The following RNGTT variants were observed in gnomAD, a reference collection of about 807,000 sequenced individuals.
RNGTT encodes RNA guanylyltransferase and 5'-phosphatase, also known as mRNA-capping enzyme.
Under a neutral mutation model 79.3 loss-of-function variants are expected in RNGTT, and 33 were observed. That is an observed-to-expected ratio of 0.42 (90% CI 0.32 to 0.56). The LOEUF is 0.56. RNGTT is among the 20% of genes least tolerant of loss of function. RNGTT has a pLI of 0.17. For missense variants in RNGTT, 497 were observed against 739.1 expected, an observed-to-expected ratio of 0.67 and a Z score of 3.80; for synonymous variants, 222 against 235.9, an observed-to-expected ratio of 0.94 and a Z score of 0.54.
In RNGTT at chr6:88,687,851, G is replaced by A. The variant is rs541680127; in HGVS notation, c.1440-9432C>T. Among the ~76,000 whole-genome samples the A allele has an allele frequency of 8.5e-5, 13 of 152,238 alleles. No homozygotes were observed. The South Asian group carries it at 2.7e-3, about 32-fold the overall frequency. On this transcript the variant is annotated intron_variant, in intron 13 of 15. Transcript: ENST00000369485. ...GAAATCATGGGGGAATAAAAATAGG[G>A]CAGCAGGATGAGTGAAGAGTGACAT...
intron 11 of RNGTT, among the ~76,000 whole-genome samples, chr6:88,814,962 G>T (rs900715950): frequency 2.6e-5 from 4 of 152,176 alleles, no homozygotes; most frequent in Admixed American, 1.3e-4. Flanking sequence ...AGAGGGCCTG[G>T]CCTTTGCCCT....
At chr6:88,787,511 T>G (rs1025715382) in intron 12 of RNGTT, among the ~76,000 whole-genome samples, 1 of 151,852 alleles carries the variant, frequency 6.6e-6, no homozygotes, top group African/African-American at 2.4e-5. Context: ...ATACAAAAAT[T>G]AGCTGGGTGT....
chr6:88,740,673 A>T (rs528059501), intron 13 of RNGTT, among the ~76,000 whole-genome samples: 27 of 152,176 alleles, frequency 1.8e-4, no homozygotes, highest in Non-Finnish European at 3.5e-4. Flanking sequence ...AGAAAACCAA[A>T]CACTGCATGT....
chr6:88,918,556 A>G (rs929502603), intron 4 of RNGTT, among the ~76,000 whole-genome samples: 6 of 152,244 alleles, frequency 3.9e-5, no homozygotes, highest in Non-Finnish European at 8.8e-5. Flanking sequence ...ACAAAGCTTG[A>G]CAATAATAGA....
At chr6:88,642,320 C>A (rs549370133) in intron 14 of RNGTT, among the ~76,000 whole-genome samples, 4 of 152,050 alleles carry the variant, frequency 2.6e-5, no homozygotes, top group Non-Finnish European at 5.9e-5. Flanking sequence ...CAGCAAGAGC[C>A]TAATATGATA....
chr6:88,806,433 T>G (rs1779957493), intron 11 of RNGTT, among the ~76,000 whole-genome samples: 1 of 151,396 alleles, frequency 6.6e-6, no homozygotes, highest in Non-Finnish European at 1.5e-5. Flanking sequence ...TTCTCCTGCC[T>G]CGGCCTCCTA....
chr6:88,649,760 C>A (rs1363831008), intron 14 of RNGTT, among the ~76,000 whole-genome samples: 4 of 151,796 alleles, frequency 2.6e-5, no homozygotes, highest in Non-Finnish European at 5.9e-5. Flanking sequence ...TATCAAGATA[C>A]CCAAAATAAA....
intron 14 of RNGTT, among the ~76,000 whole-genome samples, chr6:88,652,103 T>G (rs988539380): frequency 2.6e-5 from 4 of 152,192 alleles, no homozygotes; most frequent in Non-Finnish European, 4.4e-5. Flanking sequence ...TTTTAGCAGA[T>G]GAATGATCAC....
At chr6:88,912,469 G>A (rs1029999830) in intron 4 of RNGTT, among the ~76,000 whole-genome samples, 14 of 151,938 alleles carry the variant, frequency 9.2e-5, no homozygotes, top group Admixed American at 4.6e-4. Context: ...GCATCTAAAG[G>A]AACTAGAAAA....
At chr6:88,713,253 A>C (rs1209481633) in intron 13 of RNGTT, among the ~76,000 whole-genome samples, 5 of 152,266 alleles carry the variant, frequency 3.3e-5, no homozygotes, top group Admixed American at 1.3e-4. Flanking sequence ...GGGTACAACA[A>C]GAAGGCTGCC....
At chr6:88,646,067 A>C (rs896970309) in intron 14 of RNGTT, among the ~76,000 whole-genome samples, 10 of 152,212 alleles carry the variant, frequency 6.6e-5, no homozygotes, top group African/African-American at 2.4e-4. Context: ...CGAACAGGCA[A>C]CCTAAAGAAA....
intron 13 of RNGTT, among the ~76,000 whole-genome samples, chr6:88,765,228 T>A (rs1483991841): frequency 2.0e-5 from 3 of 152,066 alleles, no homozygotes; most frequent in African/African-American, 4.8e-5. Context: ...CATTCTTGTT[T>A]TAGAATGTAT....
At chr6:88,741,293 C>T (rs542395880) in intron 13 of RNGTT, among the ~76,000 whole-genome samples, 2 of 152,138 alleles carry the variant, frequency 1.3e-5, no homozygotes, top group Non-Finnish European at 2.9e-5. Flanking sequence ...ATGTCCTTTG[C>T]AGCGACATGG....
intron 13 of RNGTT, among the ~76,000 whole-genome samples, chr6:88,767,312 A>G (rs1778493769): frequency 6.6e-6 from 1 of 152,114 alleles, no homozygotes; most frequent in African/African-American, 2.4e-5. Flanking sequence ...TAAAAGAACA[A>G]AATATATTTA....
At chr6:88,801,707 T>C in intron 11 of RNGTT, 75 bp from the exon 12 acceptor site, 1 of 1,007,400 alleles carries the variant, frequency 9.9e-7, no homozygotes, top group Non-Finnish European at 1.5e-6. Flanking sequence ...CTTGCTAAGC[T>C]TTATAAAAAC....
At chr6:88,636,724 A>G (rs915479134) in intron 14 of RNGTT, among the ~76,000 whole-genome samples, 1 of 150,358 alleles carries the variant, frequency 6.7e-6, no homozygotes, top group African/African-American at 2.4e-5. Context: ...TTTTTTTTTT[A>G]AGACAAAGAC....
At chr6:88,943,962 A>T (rs115128064) in intron 1 of RNGTT, among the ~76,000 whole-genome samples, 2,922 of 152,318 alleles carry the variant, frequency 0.019, 87 homozygotes, top group African/African-American at 0.067. Context: ...ATCTCACAGC[A>T]CAAAAGATGG....
intron 14 of RNGTT, among the ~76,000 whole-genome samples, chr6:88,646,035 G>A (rs905740441): frequency 1.8e-4 from 27 of 152,186 alleles, no homozygotes; most frequent in Admixed American, 5.2e-4. Flanking sequence ...CTTCTGCACA[G>A]CAAAAGAAAC....
chr6:88,881,063 C>T (rs2127927612), intron 8 of RNGTT, among the ~76,000 whole-genome samples: 1 of 152,096 alleles, frequency 6.6e-6, no homozygotes, highest in Admixed American at 6.5e-5. Flanking sequence ...CTGGGGAAAG[C>T]CATGAAAATA....
Sources: allele counts gnomAD v4.1 joint callset (sites outside exome capture counted in the v4.1 genomes callset), GRCh38; gene constraint gnomAD v4.1.1; transcripts MANE v1.5; gene names NCBI Gene and HGNC (gene_info 2026-07-23, HGNC 2026-07-21).